PTPRF: variants seen among roughly 807,000 people sequenced by gnomAD.
PTPRF encodes receptor-type tyrosine-protein phosphatase F.
In PTPRF, 59 loss-of-function variants were observed where a neutral mutation model predicts 201.8. That is an observed-to-expected ratio of 0.29 (90% CI 0.24 to 0.36). The LOEUF is 0.36. Ranked by LOEUF, PTPRF falls within the 10% of genes least tolerant of loss-of-function variation. The pLI is 1.00. For missense variants in PTPRF, 2,132 were observed against 2,690.5 expected, an observed-to-expected ratio of 0.79 and a Z score of 4.59; for synonymous variants, 1,088 against 1,089.7, an observed-to-expected ratio of 1.00 and a Z score of 0.03.
At chr1:43,529,992 G>A (rs1031322124), upstream of PTPRF, among the ~76,000 whole-genome samples, 6 of 152,026 alleles carry the variant, frequency 3.9e-5, no homozygotes, top group Admixed American at 3.9e-4. Flanking sequence ...GTTGACACTA[G>A]GTCAGAGAAG....
At chr1:43,597,656 C>A in intron 11 of PTPRF, 92 bp from the exon 12 acceptor site, 1 of 971,528 alleles carries the variant, frequency 1.0e-6, no homozygotes, top group Non-Finnish European at 1.5e-6. Flanking sequence ...GGTAGCCTGC[C>A]CGGGTGAGTC....
intron 21 of PTPRF, among the ~76,000 whole-genome samples, chr1:43,608,717 G>A (rs975463937): frequency 6.6e-6 from 1 of 152,228 alleles, no homozygotes; most frequent in African/African-American, 2.4e-5. Flanking sequence ...GTGTGGAACA[G>A]CAGAGAGGCA....
intron 7 of PTPRF, 108 bp downstream of exon 7, chr1:43,579,028 C>T (rs201381886): frequency 3.3e-5 from 32 of 977,702 alleles, no homozygotes; most frequent in Non-Finnish European, 4.7e-5. Flanking sequence ...CTGCCATGGG[C>T]CCAGTCTCTT....
intron 5 of PTPRF, among the ~76,000 whole-genome samples, chr1:43,559,519 C>T (rs923226551): frequency 8.0e-5 from 12 of 149,958 alleles, no homozygotes; most frequent in Admixed American, 3.3e-4. Context: ...GTGTTTATAT[C>T]GGGTAGTGTG....
At chr1:43,540,344 A>G (rs2153957912) in intron 2 of PTPRF, among the ~76,000 whole-genome samples, 1 of 152,038 alleles carries the variant, frequency 6.6e-6, no homozygotes, top group Admixed American at 6.5e-5. Context: ...GTCAGTGGGG[A>G]AGATGGATAG....
At chr1:43,526,481 G>A (rs535615542), upstream of PTPRF, among the ~76,000 whole-genome samples, 5 of 152,040 alleles carry the variant, frequency 3.3e-5, no homozygotes, top group Admixed American at 6.5e-5. Context: ...AAGCTTTTGT[G>A]TTCTAAGTCC....
At chr1:43,612,208 A>G (rs1175102830) in intron 22 of PTPRF, among the ~76,000 whole-genome samples, 2 of 152,182 alleles carry the variant, frequency 1.3e-5, no homozygotes, top group Non-Finnish European at 2.9e-5. Context: ...TGGCTTTGGC[A>G]GATGGGGCCT....
chr1:43,604,621 C>A (rs1654597959), intron 16 of PTPRF, among the ~76,000 whole-genome samples: 1 of 152,230 alleles, frequency 6.6e-6, no homozygotes, highest in African/African-American at 2.4e-5. Flanking sequence ...GGCCTGGTGT[C>A]CATCGGCTCA....
At chr1:43,581,991 G>C (rs919526628) in intron 7 of PTPRF, among the ~76,000 whole-genome samples, 2 of 152,176 alleles carry the variant, frequency 1.3e-5, no homozygotes, top group Non-Finnish European at 2.9e-5. Context: ...GTTGCAACGT[G>C]TCACCTGGGG....
chr1:43,578,449 C>T (rs1043434377), intron 6 of PTPRF, among the ~76,000 whole-genome samples: 5 of 152,112 alleles, frequency 3.3e-5, no homozygotes, highest in Non-Finnish European at 7.4e-5. Flanking sequence ...AGTGGGGCTG[C>T]GGGGCCAGGA....
chr1:43,580,677 A>G (rs1287452727), intron 7 of PTPRF, among the ~76,000 whole-genome samples: 1 of 151,962 alleles, frequency 6.6e-6, no homozygotes, highest in Non-Finnish European at 1.5e-5. Context: ...GTCCACTCCA[A>G]CAGAGGAGCA....
At chr1:43,558,610 A>G (rs1318236094) in intron 5 of PTPRF, among the ~76,000 whole-genome samples, 2 of 152,166 alleles carry the variant, frequency 1.3e-5, no homozygotes. Context: ...TTAGCGCGCC[A>G]GCCTCTCCCT....
chr1:43,547,158 A>G (rs1212245930), intron 3 of PTPRF, among the ~76,000 whole-genome samples: 1 of 151,976 alleles, frequency 6.6e-6, no homozygotes, highest in South Asian at 2.1e-4. Flanking sequence ...GCTTCTATCA[A>G]CCTCATCCCT....
chr1:43,527,448 G>C (rs1643166180), upstream of PTPRF, among the ~76,000 whole-genome samples: 1 of 152,230 alleles, frequency 6.6e-6, no homozygotes, highest in South Asian at 2.1e-4. Context: ...CATTACCTTG[G>C]GTTTGTATCT....
intron 3 of PTPRF, among the ~76,000 whole-genome samples, chr1:43,547,749 C>T (rs377324037): frequency 6.6e-6 from 1 of 152,160 alleles, no homozygotes; most frequent in Non-Finnish European, 1.5e-5. Flanking sequence ...GAAGCAGCTG[C>T]CAAGAGTTAG....
intron 6 of PTPRF, among the ~76,000 whole-genome samples, chr1:43,570,929 G>A (rs539116546): frequency 1.1e-4 from 16 of 152,352 alleles, no homozygotes; most frequent in South Asian, 4.1e-4. Context: ...CGGCCAGCAC[G>A]GTTCGGCTCC....
rs554939201 is a variant in PTPRF at position 43,556,183 on chromosome 1, C to T, written c.379+2242C>T. Among the ~76,000 whole-genome samples the T allele has an allele frequency of 3.3e-5, 5 of 152,320 alleles. No individual in the cohort carries two copies. In the East Asian group the frequency reaches 7.7e-4, roughly 23 times the overall value. The stretch of plus-strand genomic sequence containing the variant: ...CATGTTTTCACATTGGCCATTTTTA[C>T]GCTGTGGCTTTATCTGTTCACACAC... On this transcript the variant is annotated intron_variant, in intron 5 of 33. Transcript: ENST00000359947.
At chr1:43,605,837 G>A (rs1342370348) in intron 19 of PTPRF, among the ~76,000 whole-genome samples, 3 of 152,230 alleles carry the variant, frequency 2.0e-5, no homozygotes, top group African/African-American at 4.8e-5. Context: ...AAGAATCCCT[G>A]GGGTGGGATG....
intron 22 of PTPRF, among the ~76,000 whole-genome samples, 189 bp downstream of exon 22, chr1:43,609,687 C>G (rs920767898): frequency 1.3e-5 from 2 of 152,232 alleles, no homozygotes; most frequent in African/African-American, 4.8e-5. Flanking sequence ...GCCCCCATAT[C>G]CTGCAGCTGG....
Sources: allele counts gnomAD v4.1 joint callset (sites outside exome capture counted in the v4.1 genomes callset), GRCh38; gene constraint gnomAD v4.1.1; transcripts MANE v1.5; gene names NCBI Gene and HGNC (gene_info 2026-07-23, HGNC 2026-07-21).